The following CCSER1 variants were observed in gnomAD, a reference collection of about 807,000 sequenced individuals.
CCSER1 encodes serine-rich coiled-coil domain-containing protein 1.
Under a neutral mutation model 82.0 loss-of-function variants are expected in CCSER1, and 41 were observed. That is an observed-to-expected ratio of 0.50 (90% CI 0.39 to 0.65). The LOEUF (loss-of-function observed/expected upper bound fraction) is 0.65, where lower values mean the gene tolerates loss of function less well. CCSER1 is among the 30% of genes least tolerant of loss of function. The pLI is 0.00. For missense variants in CCSER1, 1,119 were observed against 1,064.2 expected, an observed-to-expected ratio of 1.05 and a Z score of -0.72; for synonymous variants, 414 against 383.9, an observed-to-expected ratio of 1.08 and a Z score of -0.92.
At chr4:90,930,521 A>C (rs1581119797) in intron 9 of CCSER1, among the ~76,000 whole-genome samples, 3 of 152,152 alleles carry the variant, frequency 2.0e-5, no homozygotes, top group East Asian at 3.9e-4. Context: ...CTGAGGCAGG[A>C]GAATGGTGTA....
intron 10 of CCSER1, among the ~76,000 whole-genome samples, chr4:91,191,838 G>C (rs531030720): frequency 6.6e-6 from 1 of 152,262 alleles, no homozygotes; most frequent in Non-Finnish European, 1.5e-5. Context: ...TTTCAATTCT[G>C]ATAACTACTC....
chr4:90,845,179 G>A (rs1024915254), intron 8 of CCSER1, among the ~76,000 whole-genome samples: 2 of 151,902 alleles, frequency 1.3e-5, no homozygotes, highest in East Asian at 1.9e-4. Context: ...TGGCCAACAA[G>A]GTGAAACCCC....
chr4:90,922,319 A>C (rs2150246921), intron 8 of CCSER1, among the ~76,000 whole-genome samples: 1 of 152,106 alleles, frequency 6.6e-6, no homozygotes, highest in African/African-American at 2.4e-5. Flanking sequence ...GGGAAGGGGA[A>C]GGAACAGGAA....
intron 10 of CCSER1, among the ~76,000 whole-genome samples, chr4:91,152,231 G>C (rs1017722221): frequency 2.0e-5 from 3 of 152,062 alleles, no homozygotes; most frequent in Non-Finnish European, 4.4e-5. Context: ...TTATGTAATA[G>C]CCTCCCTTGT....
At chr4:90,667,234 T>C (rs905095674) in intron 6 of CCSER1, among the ~76,000 whole-genome samples, 1 of 152,174 alleles carries the variant, frequency 6.6e-6, no homozygotes, top group African/African-American at 2.4e-5. Flanking sequence ...ATTTAAACTT[T>C]CTGTGCTTCA....
chr4:90,995,000 G>T (rs4693249), intron 9 of CCSER1, among the ~76,000 whole-genome samples: 145,345 of 152,268 alleles, frequency 0.95, 69,435 homozygotes, highest in African/African-American at 0.98. Context: ...GAGCAGAGCA[G>T]AGCATCTGAC....
chr4:91,578,650 C>G (rs1763572383), intron 10 of CCSER1, among the ~76,000 whole-genome samples: 1 of 151,868 alleles, frequency 6.6e-6, no homozygotes, highest in Non-Finnish European at 1.5e-5. Context: ...CTTTTCTTTT[C>G]TGAGAAACAC....
chr4:91,153,181 C>T (rs1730423931), intron 10 of CCSER1, among the ~76,000 whole-genome samples: 1 of 151,864 alleles, frequency 6.6e-6, no homozygotes, highest in Admixed American at 6.6e-5. Context: ...TCACATAGTC[C>T]CATATTTCTT....
chr4:91,174,737 T>C (rs1235205197), intron 10 of CCSER1, among the ~76,000 whole-genome samples: 2 of 152,142 alleles, frequency 1.3e-5, no homozygotes, highest in East Asian at 1.9e-4. Flanking sequence ...TTAATTTCTA[T>C]GATGATTCTT....
At chr4:90,322,754 T>C (rs1269536321) in intron 3 of CCSER1, among the ~76,000 whole-genome samples, 1 of 152,218 alleles carries the variant, frequency 6.6e-6, no homozygotes, top group African/African-American at 2.4e-5. Context: ...TCTCTTTTTC[T>C]CTTCCTTCAC....
intron 7 of CCSER1, among the ~76,000 whole-genome samples, chr4:90,786,704 A>G (rs1358920286): frequency 5.3e-5 from 8 of 152,348 alleles, no homozygotes; most frequent in African/African-American, 1.9e-4. Flanking sequence ...CAATGAAGAC[A>G]TCTGTGACCA....
chr4:91,189,348 T>G (rs1275096485), intron 10 of CCSER1, among the ~76,000 whole-genome samples: 1 of 152,180 alleles, frequency 6.6e-6, no homozygotes, highest in African/African-American at 2.4e-5. Flanking sequence ...AGTACATGAA[T>G]GTACTTATTT....
chr4:90,992,009 G>T (rs1055445883), intron 9 of CCSER1, among the ~76,000 whole-genome samples: 1 of 151,996 alleles, frequency 6.6e-6, no homozygotes. Flanking sequence ...CCAGAGTATT[G>T]AATGTTCTCA....
At chr4:91,549,030 C>T (rs1762031841) in intron 10 of CCSER1, among the ~76,000 whole-genome samples, 1 of 151,952 alleles carries the variant, frequency 6.6e-6, no homozygotes, top group African/African-American at 2.4e-5. Flanking sequence ...AGTTCTTGGA[C>T]ATTCTTTTCT....
Position 90,622,715 on chromosome 4 carries a change from C to T in CCSER1, c.1725-5310C>T, listed in dbSNP as rs557017974. Among the ~76,000 whole-genome samples the T allele has an allele frequency of 9.5e-4, 145 of 152,006 alleles. 1 individual carries two copies. The highest frequency in any genetic ancestry group is 6.8e-3 in the Middle Eastern group (2 of 294). ...AAGTCTTTGCTATTGTGAATAGTGCCACAATAAACATACGTGTGCATGTGT... is the reference window on the plus strand; with the variant it reads ...AAGTCTTTGCTATTGTGAATAGTGCTACAATAAACATACGTGTGCATGTGT... On this transcript the variant is annotated intron_variant, in intron 5 of 10. Transcript: ENST00000509176.
chr4:90,870,453 A>G (rs1766328643), intron 8 of CCSER1, among the ~76,000 whole-genome samples: 1 of 151,662 alleles, frequency 6.6e-6, no homozygotes, highest in Non-Finnish European at 1.5e-5. Context: ...TGAAATGATC[A>G]CGATTTTGTC....
chr4:90,562,855 A>T (rs1394697492), intron 5 of CCSER1, among the ~76,000 whole-genome samples: 4 of 147,810 alleles, frequency 2.7e-5, no homozygotes, highest in South Asian at 2.1e-4. Context: ...TTTTTTTTAA[A>T]AAAAAAAAAA....
chr4:90,466,861 A>ATT (rs1056276581), intron 4 of CCSER1, among the ~76,000 whole-genome samples: 3 of 152,172 alleles, frequency 2.0e-5, no homozygotes, highest in Admixed American at 2.0e-4. Flanking sequence ...GCTTATTGAT[A>ATT]TTTTTCCAAT....
At chr4:90,469,192 A>G (rs188487696) in intron 5 of CCSER1, among the ~76,000 whole-genome samples, 1 of 152,156 alleles carries the variant, frequency 6.6e-6, no homozygotes, top group Non-Finnish European at 1.5e-5. Flanking sequence ...ACACTGTGTT[A>G]TAGTTATTTG....
Sources: allele counts gnomAD v4.1 joint callset (sites outside exome capture counted in the v4.1 genomes callset), GRCh38; gene constraint gnomAD v4.1.1; transcripts MANE v1.5; gene names NCBI Gene and HGNC (gene_info 2026-07-23, HGNC 2026-07-21).